The following FSD2 variants were observed in gnomAD, a reference collection of about 807,000 sequenced individuals.
The protein encoded by FSD2 is fibronectin type III and SPRY domain-containing protein 2.
A neutral mutation model predicts 80.4 loss-of-function variants in FSD2; 71 were observed. The ratio of observed to expected loss-of-function variants is 0.88; its 90% CI spans 0.73 to 1.08. The LOEUF (loss-of-function observed/expected upper bound fraction) is 1.08. FSD2 is among the 50% of genes least tolerant of loss of function. The pLI, the probability that FSD2 is intolerant of heterozygous loss-of-function variation, is 0.00. For synonymous variants in FSD2, 361 were observed against 329.5 expected (o/e 1.10, Z -1.03); for missense variants, 923 against 913.8 (o/e 1.01, Z -0.13).
At chr15:82,795,849 T>C (rs997551713) in intron 1 of FSD2, among the ~76,000 whole-genome samples, 1 of 151,234 alleles carries the variant, frequency 6.6e-6, no homozygotes. Context: ...AAAAAAGTAT[T>C]AGATGATAGG....
intron 1 of FSD2, among the ~76,000 whole-genome samples, chr15:82,801,971 C>T (rs1374254164): frequency 6.6e-6 from 1 of 152,164 alleles, no homozygotes; most frequent in Non-Finnish European, 1.5e-5. Flanking sequence ...CAGTGGTTTC[C>T]AGGCACCAGG....
chr15:82,769,323 A>G (rs1480814355), intron 8 of FSD2, among the ~76,000 whole-genome samples: 1 of 152,074 alleles, frequency 6.6e-6, no homozygotes, highest in Non-Finnish European at 1.5e-5. Flanking sequence ...TGATCCCAGC[A>G]CTTTGGGAGG....
intron 8 of FSD2, among the ~76,000 whole-genome samples, chr15:82,769,390 C>T (rs897794895): frequency 8.7e-5 from 13 of 149,270 alleles, no homozygotes; most frequent in African/African-American, 2.2e-4. Flanking sequence ...GCCAACATGG[C>T]GAAATGCCAT....
chr15:82,759,879 A>T (rs1425141124), intron 12 of FSD2, among the ~76,000 whole-genome samples: 1 of 151,522 alleles, frequency 6.6e-6, no homozygotes, highest in Non-Finnish European at 1.5e-5. Flanking sequence ...CTGCAACCTC[A>T]GCCTCCTGGG....
chr15:82,778,152 A>ATG (rs2049765627), intron 6 of FSD2, among the ~76,000 whole-genome samples: 2 of 139,462 alleles, frequency 1.4e-5, no homozygotes, highest in African/African-American at 5.6e-5. Flanking sequence ...ATATATATAT[A>ATG]TATATAATAA....
At chr15:82,798,150 G>T (rs2050324251) in intron 1 of FSD2, among the ~76,000 whole-genome samples, 1 of 151,950 alleles carries the variant, frequency 6.6e-6, no homozygotes, top group African/African-American at 2.4e-5. Context: ...ACCAGCCTGG[G>T]CAACAAAAAG....
chr15:82,759,896 C>T (rs2049251896), intron 12 of FSD2, among the ~76,000 whole-genome samples: 1 of 152,012 alleles, frequency 6.6e-6, no homozygotes, highest in African/African-American at 2.4e-5. Flanking sequence ...TGGGTTCAAG[C>T]AATTCTCCCA....
intron 6 of FSD2, among the ~76,000 whole-genome samples, chr15:82,773,990 G>A (rs1280347621): frequency 6.6e-6 from 1 of 152,208 alleles, no homozygotes; most frequent in Admixed American, 6.5e-5. Context: ...ATGTTGTTCA[G>A]TGTTGGTGAG....
intron 12 of FSD2, 54 bp from the exon 13 acceptor site, chr15:82,759,654 T>C: frequency 2.9e-6 from 4 of 1,356,982 alleles, no homozygotes; most frequent in South Asian, 1.5e-5. Flanking sequence ...GATTGACTAT[T>C]TATAGAACAT....
In FSD2 at chr15:82,755,912, A is replaced by G. The variant is rs1370660207; in HGVS notation, c.*3436T>C. 1.0e-5 allele frequency: 5 copies of G among 493,958 alleles called. No homozygotes were observed. The Admixed American group carries it at 1.0e-4, about 10-fold the overall frequency. The allele number at this position is 493,958 out of a possible 1,614,324, so 30.6% of individuals were successfully genotyped here. ...TGAGTATCTTGACTTGTTAAAGGAC[A>G]GTGTTTTAAAAGCTGGATTTGGTTA... On this transcript the variant is annotated 3_prime_UTR_variant, in exon 13 of 13. Transcript: ENST00000334574.
At chr15:82,795,730 G>T (rs945207723) in intron 1 of FSD2, among the ~76,000 whole-genome samples, 1 of 152,088 alleles carries the variant, frequency 6.6e-6, no homozygotes, top group Non-Finnish European at 1.5e-5. Flanking sequence ...TACTCAGGAG[G>T]CTGAGGTAGG....
At chr15:82,763,507 T>C (rs552264700) in intron 11 of FSD2, among the ~76,000 whole-genome samples, 2 of 152,314 alleles carry the variant, frequency 1.3e-5, no homozygotes, top group South Asian at 4.1e-4. Flanking sequence ...AAGCACTCTA[T>C]AAATATGGCA....
intron 1 of FSD2, among the ~76,000 whole-genome samples, chr15:82,799,786 C>T (rs997381875): frequency 1.3e-5 from 2 of 152,154 alleles, no homozygotes; most frequent in Non-Finnish European, 2.9e-5. Context: ...TCTGGTTAAA[C>T]GTAGAGTCAG....
At position 82,761,103 on chromosome 15, in the gene FSD2, G is replaced by A. The variant is rs149533025; in HGVS notation, c.1997+999C>T. On this transcript the variant is annotated intron_variant, in intron 12 of 12. Coordinates refer to ENST00000334574, the MANE Select transcript of FSD2 (RefSeq NM_001007122.4). ...TTCATCTGTTATCGGAGGGGAAGTT[G>A]GTTTTCCCACTTATGCTTGGGCATG... Among the ~76,000 whole-genome samples, 440 of 152,238 alleles carry A rather than the reference G, an allele frequency of 2.9e-3. 4 individuals carry two copies. Among genetic ancestry groups the A allele is most frequent in the African/African-American group, 0.01 (418 of 41,534 alleles).
At position 82,778,839 on chromosome 15, in the gene FSD2, C is replaced by T; in HGVS notation, c.1038G>A (p.Gln346=). The change falls in exon 6 of 13, where the codon CAG becomes CAA. Residue 346 remains glutamine (Q), a synonymous_variant. Transcript: ENST00000334574. ...CCAAGGTCTGGTCTTCAAACTCAGG[C>T]TGTGCAGAGATTTCCACGTCTGTTT... ...KTKTDVEISA[Q]PEFEDQTLDF... 1 of 1,613,992 alleles carries T rather than the reference C, an allele frequency of 6.2e-7. No individual in the cohort carries two copies. The highest frequency in any genetic ancestry group is 8.5e-7 in the Non-Finnish European group (1 of 1,179,884).
At chr15:82,772,037 C>T in intron 7 of FSD2, 36 bp downstream of exon 7, 1 of 1,515,944 alleles carries the variant, frequency 6.6e-7, no homozygotes, top group Non-Finnish European at 8.8e-7. Flanking sequence ...CTGAACTGTT[C>T]CCATGAGCAC....
chr15:82,778,618 C>T, intron 6 of FSD2, 148 bp downstream of exon 6: 1 of 874,654 alleles, frequency 1.1e-6, no homozygotes, highest in Admixed American at 3.0e-5. Context: ...GTATGCTGTA[C>T]AACACAGTAC....
chr15:82,780,339 T>TTC, intron 4 of FSD2, 72 bp from the exon 5 acceptor site: 1 of 997,770 alleles, frequency 1.0e-6, no homozygotes, highest in Non-Finnish European at 1.4e-6. Context: ...CTTTCTTTCT[T>TTC]TTTTTTTTTT....
chr15:82,758,576 T>G lies in FSD2; in HGVS notation c.*772A>C, dbSNP rs1372218363. ...GGCCATAGGTCCTTTGCTGTAGTTTTGAAAGAGCCCTGCCATCCTTCACAT... is the reference window on the plus strand; with the variant it reads ...GGCCATAGGTCCTTTGCTGTAGTTTGGAAAGAGCCCTGCCATCCTTCACAT... On this transcript the variant is annotated 3_prime_UTR_variant, in exon 13 of 13. Transcript: ENST00000334574. 1 of 153,196 alleles carries G rather than the reference T, an allele frequency of 6.5e-6. No individual in the cohort carries two copies. The highest frequency in any genetic ancestry group is 2.4e-5 in the African/African-American group (1 of 41,458). 9.5% of individuals were successfully genotyped at this position (153,196 alleles called of 1,614,324 possible). A position where few individuals can be genotyped will look rare whatever the true frequency, so the allele number is the denominator to read the frequency against.
Sources: gnomAD v4.1 joint callset for allele counts (sites outside exome capture counted in the v4.1 genomes callset) on GRCh38, gnomAD v4.1.1 for gene constraint, MANE v1.5 for transcripts, NCBI Gene and HGNC (gene_info 2026-07-23, HGNC 2026-07-21) for gene names.